The following ATXN7L1 variants were observed in gnomAD, a reference collection of about 807,000 sequenced individuals.
ATXN7L1 encodes the protein ataxin-7-like protein 1.
A neutral mutation model predicts 70.8 loss-of-function variants in ATXN7L1; 15 were observed. The observed-to-expected ratio is 0.21, with a 90% CI of 0.14 to 0.33. The LOEUF is 0.33. Ranked by LOEUF, ATXN7L1 falls within the 10% of genes least tolerant of loss-of-function variation. ATXN7L1 has a pLI of 1.00. For synonymous variants in ATXN7L1, 440 were observed against 445.1 expected (o/e 0.99, Z 0.14); for missense variants, 975 against 1,097.1 (o/e 0.89, Z 1.57).
intron 3 of ATXN7L1, among the ~76,000 whole-genome samples, chr7:105,707,347 C>A (rs1007406642): frequency 1.2e-4 from 19 of 152,044 alleles, no homozygotes; most frequent in African/African-American, 4.3e-4. Context: ...TGCACTGGTT[C>A]CTTGAATGAA....
intron 3 of ATXN7L1, among the ~76,000 whole-genome samples, chr7:105,735,387 A>G (rs1227681234): frequency 2.0e-5 from 3 of 152,146 alleles, no homozygotes; most frequent in African/African-American, 7.2e-5. Flanking sequence ...CCCTATTAAC[A>G]TGTTGTCTTT....
chr7:105,731,878 A>T (rs565606967), intron 3 of ATXN7L1, among the ~76,000 whole-genome samples: 6 of 151,882 alleles, frequency 4.0e-5, no homozygotes, highest in Middle Eastern at 3.4e-3. Flanking sequence ...GGATCACCTG[A>T]GGTCAGGAGT....
chr7:105,780,547 T>C (rs1325906877), intron 3 of ATXN7L1, among the ~76,000 whole-genome samples: 1 of 152,054 alleles, frequency 6.6e-6, no homozygotes. Context: ...TCTCTGGTTC[T>C]AAACCATTTT....
At chr7:105,649,096 G>C (rs1799489534) in intron 4 of ATXN7L1, among the ~76,000 whole-genome samples, 1 of 152,282 alleles carries the variant, frequency 6.6e-6, no homozygotes, top group Admixed American at 6.5e-5. Flanking sequence ...GGATGCATGT[G>C]CACACTTCCC....
At chr7:105,683,539 C>A (rs555473722) in intron 3 of ATXN7L1, among the ~76,000 whole-genome samples, 2 of 152,040 alleles carry the variant, frequency 1.3e-5, no homozygotes, top group South Asian at 2.1e-4. Flanking sequence ...ATTAGCCGAG[C>A]GTGGTGGTGC....
chr7:105,685,673 C>A (rs541498029), intron 3 of ATXN7L1, among the ~76,000 whole-genome samples: 2 of 152,336 alleles, frequency 1.3e-5, no homozygotes, highest in Admixed American at 1.3e-4. Flanking sequence ...GTATCAGCAG[C>A]AGGGAACCGG....
chr7:105,628,780 G>A lies in ATXN7L1; in HGVS notation c.1203-4513C>T, dbSNP rs141438031. 4.4e-3 allele frequency among the ~76,000 whole-genome samples: 656 copies of A among 149,708 alleles called. 9 individuals are homozygous for A. The highest frequency in any genetic ancestry group is 0.015 in the African/African-American group (619 of 40,826). On this transcript the variant is annotated intron_variant, in intron 7 of 11. Transcript: ENST00000419735. ...TGTACTCCAGCCGGGGCCACAGAGCGAGACTCCATCTCAAATAAATAAATA... is the reference window on the plus strand; with the variant it reads ...TGTACTCCAGCCGGGGCCACAGAGCAAGACTCCATCTCAAATAAATAAATA...
chr7:105,733,918 C>CCATCCAT (rs1324411770), intron 3 of ATXN7L1, among the ~76,000 whole-genome samples: 5 of 145,918 alleles, frequency 3.4e-5, no homozygotes, highest in South Asian at 2.3e-4. Flanking sequence ...CATCATCCAT[C>CCATCCAT]CATCCATCAT....
intron 3 of ATXN7L1, among the ~76,000 whole-genome samples, chr7:105,705,014 TTTTATTTA>T (rs377314818): frequency 7.3e-5 from 11 of 151,338 alleles, no homozygotes; most frequent in African/African-American, 2.2e-4. Flanking sequence ...TTATTTTTTA[TTTTATTTA>T]TTTATTTATT....
chr7:105,665,551 G>A (rs1289922562), intron 3 of ATXN7L1, among the ~76,000 whole-genome samples: 1 of 152,126 alleles, frequency 6.6e-6, no homozygotes, highest in Non-Finnish European at 1.5e-5. Flanking sequence ...CATTTACCAG[G>A]CCATCTTTCT....
At chr7:105,622,392 A>G (rs1795063966) in intron 8 of ATXN7L1, among the ~76,000 whole-genome samples, 1 of 152,128 alleles carries the variant, frequency 6.6e-6, no homozygotes, top group African/African-American at 2.4e-5. Flanking sequence ...TGTGTATCTG[A>G]TTCCGTACAG....
intron 3 of ATXN7L1, among the ~76,000 whole-genome samples, chr7:105,669,309 C>T (rs992141130): frequency 2.6e-5 from 4 of 152,062 alleles, no homozygotes; most frequent in South Asian, 2.1e-4. Context: ...TTCAAACTCC[C>T]GACCTCAAGT....
At chr7:105,672,263 G>A (rs1269718322) in intron 3 of ATXN7L1, among the ~76,000 whole-genome samples, 2 of 151,986 alleles carry the variant, frequency 1.3e-5, no homozygotes, top group Non-Finnish European at 2.9e-5. Context: ...TCCAGTCTCG[G>A]CGACAGAGTG....
At chr7:105,813,815 CTCTT>C (rs1435246407) in intron 2 of ATXN7L1, among the ~76,000 whole-genome samples, 3 of 152,168 alleles carry the variant, frequency 2.0e-5, no homozygotes, top group East Asian at 1.9e-4. Context: ...ATCTCTCTCT[CTCTT>C]TTTTTCCCCC....
intron 2 of ATXN7L1, chr7:105,819,842 T>C: frequency 1.6e-6 from 1 of 615,302 alleles, no homozygotes; most frequent in Admixed American, 1.9e-5. Context: ...AAAAAGCGGA[T>C]GGTGGTTCCT....
chr7:105,871,091 T>TTG (rs1818198608), intron 2 of ATXN7L1, among the ~76,000 whole-genome samples: 1 of 151,562 alleles, frequency 6.6e-6, no homozygotes, highest in African/African-American at 2.4e-5. Flanking sequence ...TGGGTTTTTT[T>TTG]TTTTTTTTTT....
intron 2 of ATXN7L1, among the ~76,000 whole-genome samples, chr7:105,791,599 G>A (rs1413183568): frequency 2.6e-5 from 4 of 152,074 alleles, no homozygotes; most frequent in Non-Finnish European, 4.4e-5. Flanking sequence ...AAAACAAAAG[G>A]GATCCAAGTT....
intron 10 of ATXN7L1, 125 bp from the exon 11 acceptor site, chr7:105,610,728 G>A (rs554710811): frequency 1.9e-5 from 15 of 784,718 alleles, no homozygotes; most frequent in Non-Finnish European, 2.7e-5. Flanking sequence ...AGATTGGCTC[G>A]GAACTGGTGT....
chr7:105,817,367 A>G (rs1444502468), intron 2 of ATXN7L1, among the ~76,000 whole-genome samples: 1 of 152,186 alleles, frequency 6.6e-6, no homozygotes, highest in Non-Finnish European at 1.5e-5. Flanking sequence ...TTTTCTTCTG[A>G]TTATATTAAA....
Sources: allele counts gnomAD v4.1 joint callset (sites outside exome capture counted in the v4.1 genomes callset), GRCh38; gene constraint gnomAD v4.1.1; transcripts MANE v1.5; gene names NCBI Gene and HGNC (gene_info 2026-07-23, HGNC 2026-07-21).